Variants in IFT74 observed in about 807,000 individuals in gnomAD.
IFT74 encodes the protein intraflagellar transport protein 74 homolog.
IFT74 carries 92 observed loss-of-function variants against 96.7 expected under a neutral mutation model. The observed-to-expected ratio is 0.95, with a 90% CI of 0.80 to 1.13. The LOEUF is 1.13. Ranked by LOEUF, IFT74 falls within the 50% of genes most tolerant of loss-of-function variation. The pLI is 0.00. For missense variants in IFT74, 811 were observed against 698.2 expected (o/e 1.16, Z -1.82); for synonymous variants, 223 against 213.2 (o/e 1.05, Z -0.40).
At chr9:27,008,449 A>C (rs572901476) in intron 8 of IFT74, among the ~76,000 whole-genome samples, 46 of 151,332 alleles carry the variant, frequency 3.0e-4, no homozygotes, top group African/African-American at 7.5e-4. Flanking sequence ...CCTCTTCCCC[A>C]CTGGGTTCAA....
chr9:27,037,251 C>A (rs1819249239), intron 13 of IFT74, among the ~76,000 whole-genome samples: 1 of 146,470 alleles, frequency 6.8e-6, no homozygotes. Flanking sequence ...CTTGCAGAGA[C>A]TAAGAAAACA....
At chr9:27,060,016 A>G (rs974411971) in intron 18 of IFT74, among the ~76,000 whole-genome samples, 4 of 152,222 alleles carry the variant, frequency 2.6e-5, no homozygotes, top group African/African-American at 9.6e-5. Flanking sequence ...TCTTCTGAGG[A>G]AGCAACCATC....
rs185119188 is a variant in IFT74, at chr9:26,984,311, A to G, written c.360A>G (p.Glu120=). 1.3e-3 allele frequency: 2,002 copies of G among 1,583,428 alleles called. 37 individuals carry two copies. In the Admixed American group the frequency reaches 0.031, roughly 25 times the overall value. The change falls in exon 5 of 20, where the codon GAA becomes GAG. Residue 120 remains glutamate, a synonymous_variant. Coordinates refer to ENST00000380062, the MANE Select transcript of IFT74 (RefSeq NM_025103.4). ...TEVNKLQKGI[E]MYNQENSVYL... Reference sequence around the variant, plus strand: ...TTAATAAACTTCAGAAGGGAATAGAAATGTACAATCAAGAGAATTCAGTAT... The same window carrying G: ...TTAATAAACTTCAGAAGGGAATAGAGATGTACAATCAAGAGAATTCAGTAT...
intron 4 of IFT74, among the ~76,000 whole-genome samples, chr9:26,981,365 G>C (rs1308367579): frequency 1.3e-5 from 2 of 151,982 alleles, no homozygotes; most frequent in Non-Finnish European, 2.9e-5. Flanking sequence ...TCCTGCCTCA[G>C]CTTCCCAAAG....
In IFT74 at chr9:26,957,235, T is replaced by C. The variant is rs562463100; in HGVS notation, c.-20+719T>C. Reference sequence around the variant, plus strand: ...AATCCCACTGGTAATAATATAATGGTAAGCTTTTTTTCACCACAGTAAAAC... The same window carrying C: ...AATCCCACTGGTAATAATATAATGGCAAGCTTTTTTTCACCACAGTAAAAC... On this transcript the variant is annotated intron_variant, in intron 1 of 19. Coordinates refer to ENST00000380062, the MANE Select transcript of IFT74 (RefSeq NM_025103.4). Among the ~76,000 whole-genome samples, 4 of 152,352 alleles carry C rather than the reference T, an allele frequency of 2.6e-5. No individual in the cohort carries two copies. The South Asian group carries it at 8.3e-4, about 32-fold the overall frequency.
intron 8 of IFT74, among the ~76,000 whole-genome samples, chr9:27,003,832 G>T (rs1277704515): frequency 6.6e-6 from 1 of 152,212 alleles, no homozygotes. Flanking sequence ...TATTCAAGAT[G>T]ATTGCCCATA....
chr9:26,962,914 T>C (rs1826427375), intron 2 of IFT74, among the ~76,000 whole-genome samples: 1 of 149,646 alleles, frequency 6.7e-6, no homozygotes, highest in African/African-American at 2.5e-5. Context: ...AATTAAAAGG[T>C]AAACTTTACT....
At chr9:26,984,129 C>A in intron 4 of IFT74, 128 bp from the exon 5 acceptor site, 1 of 731,094 alleles carries the variant, frequency 1.4e-6, no homozygotes, top group Non-Finnish European at 2.1e-6. Flanking sequence ...AAACTTTCTG[C>A]ATTCTTTTAG....
At chr9:27,005,138 C>T (rs1014133493) in intron 8 of IFT74, among the ~76,000 whole-genome samples, 1 of 149,078 alleles carries the variant, frequency 6.7e-6, no homozygotes, top group Admixed American at 6.7e-5. Flanking sequence ...AGATTTTTTT[C>T]AGATTTAAAA....
At chr9:27,047,475 T>A (rs1413308173) in intron 15 of IFT74, 104 bp downstream of exon 15, 11 of 605,216 alleles carry the variant, frequency 1.8e-5, no homozygotes, top group Non-Finnish European at 2.9e-5. Flanking sequence ...ATCTTCTCAT[T>A]TAACTGCTTC....
chr9:26,958,950 T>C (rs1826235368), intron 1 of IFT74, among the ~76,000 whole-genome samples: 1 of 152,214 alleles, frequency 6.6e-6, no homozygotes, highest in Non-Finnish European at 1.5e-5. Flanking sequence ...AGATGTTTCA[T>C]ATAAATGTGG....
chr9:26,990,062 C>A, intron 7 of IFT74, 72 bp from the exon 8 acceptor site: 2 of 833,464 alleles, frequency 2.4e-6, no homozygotes, highest in Non-Finnish European at 1.8e-6. Context: ...AGTTCCTAGC[C>A]AAAATAACCT....
intron 13 of IFT74, among the ~76,000 whole-genome samples, chr9:27,040,199 A>G (rs1819400111): frequency 6.6e-6 from 1 of 152,182 alleles, no homozygotes; most frequent in African/African-American, 2.4e-5. Flanking sequence ...GAGAAAAACT[A>G]GAGCTCGTTC....
chr9:27,036,886 A>G, intron 13 of IFT74: 4 of 931,764 alleles, frequency 4.3e-6, no homozygotes, highest in Non-Finnish European at 5.1e-6. Context: ...TGCCCCTACA[A>G]TGGCAAAAAA....
At chr9:26,974,421 T>C (rs1254215198) in intron 2 of IFT74, among the ~76,000 whole-genome samples, 1 of 152,218 alleles carries the variant, frequency 6.6e-6, no homozygotes, top group Non-Finnish European at 1.5e-5. Context: ...GCCTGCATAC[T>C]GTTTCATTTG....
chr9:27,054,401 C>T (rs1373614782), intron 16 of IFT74, among the ~76,000 whole-genome samples: 1 of 152,158 alleles, frequency 6.6e-6, no homozygotes, highest in Non-Finnish European at 1.5e-5. Context: ...CCCTGTGCTA[C>T]TCTTTTCATA....
At chr9:26,985,381 A>G (rs1827589031) in intron 6 of IFT74, among the ~76,000 whole-genome samples, 1 of 152,208 alleles carries the variant, frequency 6.6e-6, no homozygotes, top group Non-Finnish European at 1.5e-5. Flanking sequence ...AATCTGCACA[A>G]CAAACCCCCA....
chr9:27,053,153 C>T (rs1587420981), intron 16 of IFT74, among the ~76,000 whole-genome samples: 1 of 123,642 alleles, frequency 8.1e-6, no homozygotes, highest in Admixed American at 8.9e-5. Context: ...GTGAGCACCG[C>T]GCCTGGCCTT....
chr9:26,998,265 G>T, intron 8 of IFT74: 1 of 1,281,294 alleles, frequency 7.8e-7, no homozygotes, highest in Non-Finnish European at 1.0e-6. Flanking sequence ...AAAAAGAAAG[G>T]CATTAATCAG....
Sources: gnomAD v4.1 joint callset for allele counts (sites outside exome capture counted in the v4.1 genomes callset) on GRCh38, gnomAD v4.1.1 for gene constraint, MANE v1.5 for transcripts, NCBI Gene and HGNC (gene_info 2026-07-23, HGNC 2026-07-21) for gene names.